The following PLEKHN1 variants were observed in gnomAD, a reference collection of about 807,000 sequenced individuals.
PLEKHN1 encodes pleckstrin homology domain-containing family N member 1.
A neutral mutation model predicts 72.8 loss-of-function variants in PLEKHN1; 68 were observed. The ratio of observed to expected loss-of-function variants is 0.93; its 90% CI spans 0.77 to 1.14. The LOEUF (loss-of-function observed/expected upper bound fraction) is 1.14. Ranked by LOEUF, PLEKHN1 falls within the 50% of genes most tolerant of loss-of-function variation. The pLI, the probability that PLEKHN1 is intolerant of heterozygous loss-of-function variation, is 0.00. For synonymous variants in PLEKHN1, 454 were observed against 371.6 expected (o/e 1.22, Z -2.55); for missense variants, 1,015 against 840.5 (o/e 1.21, Z -2.57).
intron 10 of PLEKHN1, 117 bp downstream of exon 10, chr1:972,541 G>A (rs898406792): frequency 7.0e-5 from 91 of 1,294,302 alleles, no homozygotes; most frequent in South Asian, 1.1e-4. Context: ...TGAGGCGGGC[G>A]GATCATTTGA....
chr1:974,055 A>C lies in PLEKHN1; in HGVS notation c.1653+4A>C, dbSNP rs561426655. Reference sequence around the variant, plus strand: ...GCCCCCAGACGCCCCTCAGCTTGTGAGTAGCAGCCCCCACGCCCGTGTGCC... The same window carrying C: ...GCCCCCAGACGCCCCTCAGCTTGTGCGTAGCAGCCCCCACGCCCGTGTGCC... On this transcript the variant is annotated splice_donor_region_variant and intron_variant, in intron 14 of 15. Coordinates refer to ENST00000379410, the MANE Select transcript of PLEKHN1 (RefSeq NM_032129.3). The C allele has an allele frequency of 1.3e-6, 2 of 1,575,252 alleles. No homozygotes were observed. Among genetic ancestry groups the C allele is most frequent in the Non-Finnish European group, 1.7e-6 (2 of 1,164,110 alleles).
At chr1:971,430 G>A (rs371093099) in intron 8 of PLEKHN1, 26 bp downstream of exon 8, 333 of 1,544,768 alleles carry the variant, frequency 2.2e-4, no homozygotes, top group Non-Finnish European at 2.8e-4. Flanking sequence ...CTGTGGGCCC[G>A]CCCCAGGGAG....
intron 2 of PLEKHN1, among the ~76,000 whole-genome samples, chr1:967,648 G>A (rs111564727): frequency 3.9e-4 from 59 of 152,324 alleles, no homozygotes; most frequent in African/African-American, 1.3e-3. Flanking sequence ...ACATGCCCCC[G>A]CCAGGCAGGA....
rs199696862 is a variant in PLEKHN1 at position 974,582 on chromosome 1, C to T, written c.*7C>T. On this transcript the variant is annotated 3_prime_UTR_variant, in exon 16 of 16. Transcript: ENST00000379410. ...GCTTGTGCAGTGGATCTGATGGCCG[C>T]GGTGAGGTGGGTTCTCAGGACCACC... 76 of 1,607,928 alleles carry T rather than the reference C, an allele frequency of 4.7e-5. No homozygotes were observed. The highest frequency in any genetic ancestry group is 9.3e-5 in the African/African-American group (7 of 74,956).
Position 972,332 on chromosome 1 carries a change from G to C in PLEKHN1, c.910G>C (p.Asp304His), listed in dbSNP as rs771267372. ...CCGCGTGGTGTGCGCCAGCTACGAG[G>C]ACTACGGTCACTGGCTGCTGTGCCT... ...TIRVVCASYE[D>H]YGHWLLCLRA... Residue 304 changes from aspartate (D) to histidine (H), a missense_variant, in exon 10 of 16, where the codon GAC (aspartate) becomes CAC (histidine). Physicochemically the swap from Asp to His is moderately conservative, Grantham distance 81. Transcript: ENST00000379410. 1 of 1,612,582 alleles carries C rather than the reference G, an allele frequency of 6.2e-7. No individual in the cohort carries two copies. Among genetic ancestry groups the C allele is most frequent in the Non-Finnish European group, 8.5e-7 (1 of 1,179,902 alleles).
Position 974,549 on chromosome 1 carries a change from A to T in PLEKHN1, c.1810A>T (p.Ser604Cys). 6.2e-7 allele frequency: 1 copy of T among 1,612,162 alleles called. No homozygotes were observed. The highest frequency in any genetic ancestry group is 8.5e-7 in the Non-Finnish European group (1 of 1,179,754). The change falls in exon 16 of 16, where the codon AGT becomes TGT. Residue 604 changes from serine to cysteine, a missense_variant. Physicochemically the swap from Ser to Cys is moderately radical, Grantham distance 112 (BLOSUM62 -1). Coordinates refer to ENST00000379410, the MANE Select transcript of PLEKHN1 (RefSeq NM_032129.3). ...CCCCCAGCTTGGAGGGCCTGAGGCC[A>T]GTGGGGGGCTTGTGCAGTGGATCTG... ...KCPQLGGPEASGGLVQWI is the reference protein window; with the variant it reads ...KCPQLGGPEACGGLVQWI
At position 972,146 on chromosome 1, in the gene PLEKHN1, T is replaced by C; in HGVS notation, c.861T>C (p.Ile287=). ...AGAAGCAGATCCGCTCCTTCCTGAT[T>C]GAAGGTAGGGCCCTGACCCTGGTTC... ...EKEKQIRSFL[I]EGPLINTIRV... is the part of the protein sequence containing the mutation. Residue 287 remains isoleucine (I), a synonymous_variant, in exon 9 of 16, where the codon ATT becomes ATC. Coordinates refer to ENST00000379410, the MANE Select transcript of PLEKHN1 (RefSeq NM_032129.3). 1.2e-6 allele frequency: 2 copies of C among 1,612,938 alleles called. No homozygotes were observed. The highest frequency in any genetic ancestry group is 8.5e-7 in the Non-Finnish European group (1 of 1,179,822).
In PLEKHN1 at chr1:974,301, G is replaced by A. The variant is rs373663053; in HGVS notation, c.1654-15G>A. Reference sequence around the variant, plus strand: ...GGCTGTGCCCGGCTCTCAGACTTGCGGTTTGGGGTTCCAGGTCTCCTCTGC... The same window carrying A: ...GGCTGTGCCCGGCTCTCAGACTTGCAGTTTGGGGTTCCAGGTCTCCTCTGC... On this transcript the variant is annotated splice_polypyrimidine_tract_variant and intron_variant, in intron 14 of 15. Transcript: ENST00000379410. 23 of 1,612,938 alleles carry A rather than the reference G, an allele frequency of 1.4e-5. No homozygotes were observed. In the African/African-American group the frequency reaches 1.5e-4, roughly 10 times the overall value.
chr1:971,601 C>T (rs1438047586), intron 8 of PLEKHN1, 197 bp downstream of exon 8: 1 of 618,996 alleles, frequency 1.6e-6, no homozygotes, highest in Non-Finnish European at 2.9e-6. Context: ...GAGGTTCTCA[C>T]CCTGAGGTTC....
rs1268958842 is a variant in PLEKHN1, at chr1:973,171, T to C, written c.1153-15T>C. 2.0e-6 allele frequency: 3 copies of C among 1,506,366 alleles called. No homozygotes were observed. The highest frequency in any genetic ancestry group is 2.7e-6 in the Non-Finnish European group (3 of 1,118,334). 93.3% of individuals were successfully genotyped at this position (1,506,366 alleles called of 1,614,324 possible). A position where few individuals can be genotyped will look rare whatever the true frequency, so the allele number is the denominator to read the frequency against. On this transcript the variant is annotated splice_polypyrimidine_tract_variant and intron_variant, in intron 11 of 15. Transcript: ENST00000379410. ...GGCCAAAGGGCTCTTCCTGGAAGGT[T>C]TGTGGTCCCCACAGGACCAGGCCAA...
In PLEKHN1 at chr1:966,874, G is replaced by A. The variant is rs896197048; in HGVS notation, c.183+71G>A. The A allele has an allele frequency of 1.8e-5, 27 of 1,465,096 alleles. 1 individual carries two copies. In the South Asian group the frequency reaches 2.6e-4, roughly 14 times the overall value. The allele number at this position is 1,465,096 out of a possible 1,614,324, so 90.8% of individuals were successfully genotyped here. The stretch of plus-strand genomic sequence containing the variant: ...GCCCGCGCGTGTGTGCCGTGTGTCC[G>A]TGCAGCTCAGGGTCTTCCCCTCGCC... On this transcript the variant is annotated intron_variant, in intron 2 of 15. Coordinates refer to ENST00000379410, the MANE Select transcript of PLEKHN1 (RefSeq NM_032129.3).
At position 974,719 on chromosome 1, in the gene PLEKHN1, C is replaced by G. The variant is rs1570056837; in HGVS notation, c.*144C>G. ...GGGGCCCTGAGTTCAGAGCCCGTCC[C>G]TCAGCTCCTGTTCCTTGGTGCCAGC... On this transcript the variant is annotated 3_prime_UTR_variant, in exon 16 of 16. Transcript: ENST00000379410. The G allele has an allele frequency of 2.4e-5, 26 of 1,076,826 alleles. 1 individual carries two copies. In the South Asian group the frequency reaches 3.8e-4, roughly 16 times the overall value. The allele number at this position is 1,076,826 out of a possible 1,614,324, so 66.7% of individuals were successfully genotyped here. A position where few individuals can be genotyped will look rare whatever the true frequency, so the allele number is the denominator to read the frequency against.
Position 973,403 on chromosome 1 carries a change from G to A in PLEKHN1, c.1293+77G>A, listed in dbSNP as rs1424989436. The A allele has an allele frequency of 9.6e-6, 15 of 1,563,424 alleles. No individual in the cohort carries two copies. The East Asian group carries it at 3.4e-4, about 35-fold the overall frequency. ...CCACTGGTCTCTGTCTCTGGGCCCA[G>A]TTGTCCTGGAGCCACCCAGAGGCCT... On this transcript the variant is annotated intron_variant, in intron 12 of 15. Transcript: ENST00000379410.
Position 966,551 on chromosome 1 carries a change from T to C in PLEKHN1, c.20T>C (p.Val7Ala). 1 of 1,609,322 alleles carries C rather than the reference T, an allele frequency of 6.2e-7. No homozygotes were observed. Among genetic ancestry groups the C allele is most frequent in the Non-Finnish European group, 8.5e-7 (1 of 1,177,396 alleles). Reference sequence around the variant, plus strand: ...CTGGCCATGGGGAACAGCCACTGTGTCCCTCAGGCCCCCAGGAGGCTCCGG... The same window carrying C: ...CTGGCCATGGGGAACAGCCACTGTGCCCCTCAGGCCCCCAGGAGGCTCCGG... MGNSHCVPQAPRRLRAS... is the reference protein window; with the variant it reads MGNSHCAPQAPRRLRAS... Residue 7 changes from valine (V) to alanine (A), a missense_variant, in exon 1 of 16, where the codon GTC becomes GCC. Transcript: ENST00000379410.
At chr1:971,567 C>T (rs1643330153) in intron 8 of PLEKHN1, 163 bp downstream of exon 8, 2 of 676,412 alleles carry the variant, frequency 3.0e-6, no homozygotes, top group East Asian at 5.4e-5. Flanking sequence ...TCCGCTGTGA[C>T]ATGGAGGAGC....
Position 970,744 on chromosome 1 carries a change from C to T in PLEKHN1, c.470C>T (p.Ala157Val), listed in dbSNP as rs1643274107. 1.1e-5 allele frequency: 18 copies of T among 1,610,560 alleles called. No homozygotes were observed. Among genetic ancestry groups the T allele is most frequent in the Non-Finnish European group, 1.4e-5 (17 of 1,178,416 alleles). ...CCGCTCGAGGGGTCCCGAGAGCACG[C>T]CTTCCAGATCACAGGTGTTTGGGAT... Reference protein sequence around the residue: ...VCPLEGSREHAFQITGPLPAP... With the variant: ...VCPLEGSREHVFQITGPLPAP... The change falls in exon 5 of 16, where the codon GCC (alanine) becomes GTC (valine). Residue 157 changes from alanine to valine, a missense_variant. Transcript: ENST00000379410. This position sits in a 1 kb window ranked among gnomAD's most constrained non-coding sequence, Gnocchi z 4.2.
At position 970,169 on chromosome 1, in the gene PLEKHN1, T is replaced by C; in HGVS notation, c.184-108T>C. The C allele has an allele frequency of 8.1e-7, 1 of 1,227,920 alleles. No individual in the cohort carries two copies. Among genetic ancestry groups the C allele is most frequent in the South Asian group, 1.4e-5 (1 of 70,820 alleles). The allele number at this position is 1,227,920 out of a possible 1,614,324, so 76.1% of individuals were successfully genotyped here. ...GGCTGTTCTTCACATATGTGTTGTG[T>C]GGCTATGCACAGGCAGACCATGCTA... On this transcript the variant is annotated intron_variant, in intron 2 of 15. Coordinates refer to ENST00000379410, the MANE Select transcript of PLEKHN1 (RefSeq NM_032129.3). This position sits in a 1 kb window ranked among gnomAD's most constrained non-coding sequence, Gnocchi z 4.2.
In PLEKHN1 at chr1:970,454, GGGTGCAGCATCCCCATCAGC is replaced by G; in HGVS notation, c.330+32_331-47del. On this transcript the variant is annotated intron_variant, in intron 3 of 15. Coordinates refer to ENST00000379410, the MANE Select transcript of PLEKHN1 (RefSeq NM_032129.3). This position sits in a 1 kb window ranked among gnomAD's most constrained non-coding sequence, Gnocchi z 4.2. ...GGCCGGGCTGGGTGGAGCACGCTAA[GGGTGCAGCATCCCCATCAGC>G]CTGGGGCTCCCCAGACTCCGCACTG... is the stretch of plus-strand genomic sequence containing the variant. 1.9e-6 allele frequency: 3 copies of G among 1,613,108 alleles called. No homozygotes were observed. The highest frequency in any genetic ancestry group is 2.7e-5 in the African/African-American group (2 of 75,000).
intron 2 of PLEKHN1, among the ~76,000 whole-genome samples, chr1:967,518 C>T (rs1012105357): frequency 6.6e-6 from 1 of 152,200 alleles, no homozygotes; most frequent in African/African-American, 2.4e-5. Context: ...GCACCCCCGT[C>T]AGGCAGCCTG....
Sources: allele counts gnomAD v4.1 joint callset (sites outside exome capture counted in the v4.1 genomes callset), GRCh38; gene constraint gnomAD v4.1.1; non-coding constraint Gnocchi (gnomAD v3.1); transcripts MANE v1.5; gene names NCBI Gene and HGNC (gene_info 2026-07-23, HGNC 2026-07-21).